The following SLC25A5 variants were observed in gnomAD, a reference collection of about 807,000 sequenced individuals.
The protein encoded by SLC25A5 is ADP/ATP translocase 2.
A neutral mutation model predicts 16.5 loss-of-function variants in SLC25A5; 4 were observed. That is an observed-to-expected ratio of 0.24 (90% confidence interval 0.12 to 0.56). The LOEUF (loss-of-function observed/expected upper bound fraction) is 0.56, where lower values mean the gene tolerates loss of function less well. SLC25A5 is among the 20% of genes least tolerant of loss of function. SLC25A5 has a pLI of 0.93. For missense variants in SLC25A5, 88 were observed against 248.0 expected, an observed-to-expected ratio of 0.35 and a Z score of 4.33; for synonymous variants, 60 against 95.2, an observed-to-expected ratio of 0.63 and a Z score of 2.15.
chrX:119,470,842 G>A, intron 3 of SLC25A5, 59 bp from the exon 4 acceptor site: 1 of 1,144,379 alleles, frequency 8.7e-7, no homozygotes, highest in South Asian at 2.0e-5. Flanking sequence ...TTAGCCTAGT[G>A]AATCTTAGGA....
chrX:119,470,652 T>G (rs145654293), intron 3 of SLC25A5, 139 bp downstream of exon 3: 8,772 of 828,722 alleles, frequency 0.011, 49 homozygotes, highest in Non-Finnish European at 0.013. Context: ...GTTCCACAAC[T>G]GCCTTTGAGC....
Sources: gnomAD v4.1 joint callset for allele counts on GRCh38, gnomAD v4.1.1 for gene constraint, MANE v1.5 for transcripts, NCBI Gene and HGNC (gene_info 2026-07-23, HGNC 2026-07-21) for gene names.